The following SCOC variants were observed in gnomAD, a reference collection of about 807,000 sequenced individuals.
The protein encoded by SCOC is short coiled-coil protein.
A neutral mutation model predicts 9.9 loss-of-function variants in SCOC; 7 were observed. The observed-to-expected ratio is 0.71, with a 90% CI of 0.40 to 1.33. The LOEUF is 1.33. Ranked by LOEUF, SCOC falls within the 40% of genes most tolerant of loss-of-function variation. SCOC has a pLI of 0.01. For synonymous variants in SCOC, 19 were observed against 28.2 expected, an observed-to-expected ratio of 0.67 and a Z score of 1.03; for missense variants, 66 against 89.7, an observed-to-expected ratio of 0.74 and a Z score of 1.07.
intron 1 of SCOC, among the ~76,000 whole-genome samples, chr4:140,321,130 C>T (rs1732489885): frequency 6.6e-6 from 1 of 152,110 alleles, no homozygotes; most frequent in South Asian, 2.1e-4. Context: ...TGAGGGTAAC[C>T]ATAGCAATAA....
chr4:140,301,863 G>A (rs766468591), intron 1 of SCOC, among the ~76,000 whole-genome samples: 10 of 152,002 alleles, frequency 6.6e-5, no homozygotes, highest in East Asian at 1.9e-4. Flanking sequence ...ACAAGTTCTC[G>A]CTCTGTTGCC....
At chr4:140,272,989 C>A (rs1302946925) in intron 1 of SCOC, among the ~76,000 whole-genome samples, 1 of 152,218 alleles carries the variant, frequency 6.6e-6, no homozygotes, top group Non-Finnish European at 1.5e-5. Context: ...TAACCTTCCG[C>A]CATGTTCAGA....
At chr4:140,276,282 G>A (rs991260580) in intron 1 of SCOC, among the ~76,000 whole-genome samples, 5 of 152,080 alleles carry the variant, frequency 3.3e-5, no homozygotes, top group Non-Finnish European at 7.4e-5. Context: ...GATTACAGGC[G>A]TGAGCTACCG....
chr4:140,314,884 G>A (rs1732268351), intron 1 of SCOC, among the ~76,000 whole-genome samples: 1 of 152,146 alleles, frequency 6.6e-6, no homozygotes, highest in African/African-American at 2.4e-5. Context: ...TCTCCACAAG[G>A]TGTGGTTGTG....
chr4:140,302,034 A>G (rs1010236070), intron 1 of SCOC, among the ~76,000 whole-genome samples: 1 of 152,106 alleles, frequency 6.6e-6, no homozygotes, highest in Non-Finnish European at 1.5e-5. Context: ...GGGTTTCGCC[A>G]TGTTACCCAG....
chr4:140,290,151 G>A (rs1266656826), intron 1 of SCOC, among the ~76,000 whole-genome samples: 4 of 152,232 alleles, frequency 2.6e-5, no homozygotes, highest in Admixed American at 1.3e-4. Flanking sequence ...GGGAACTGGT[G>A]TAAGAAAATG....
intron 1 of SCOC, among the ~76,000 whole-genome samples, chr4:140,262,599 C>T (rs558243913): frequency 1.1e-4 from 16 of 152,194 alleles, no homozygotes; most frequent in South Asian, 6.2e-4. Flanking sequence ...CAGAGGAAAG[C>T]GAGGTGGGGG....
intron 1 of SCOC, among the ~76,000 whole-genome samples, chr4:140,260,797 T>C (rs1730613898): frequency 6.6e-6 from 1 of 152,228 alleles, no homozygotes. Flanking sequence ...CTGATGCAGG[T>C]GGTCTGTAAA....
intron 2 of SCOC, among the ~76,000 whole-genome samples, chr4:140,352,381 G>A (rs1364699298): frequency 6.6e-6 from 1 of 152,162 alleles, no homozygotes; most frequent in East Asian, 1.9e-4. Flanking sequence ...ATCTGTTCCT[G>A]TAAGCTAAAG....
intron 2 of SCOC, chr4:140,366,926 C>T: frequency 1.7e-6 from 1 of 578,864 alleles, no homozygotes; most frequent in Middle Eastern, 4.6e-4. Context: ...TAGTTATTGA[C>T]CAGGCGTGGT....
rs545756883 is a variant in SCOC, at chr4:140,368,379, A to G, written c.71-10742A>G. Among the ~76,000 whole-genome samples, 3 of 152,352 alleles carry G rather than the reference A, an allele frequency of 2.0e-5. No individual in the cohort carries two copies. In the South Asian group the frequency reaches 6.2e-4, roughly 32 times the overall value. ...AGAATTTCTTGTATTATTCGTATTT[A>G]TTATAATAAAATAAACATGTAATTA... On this transcript the variant is annotated intron_variant, in intron 2 of 4. Coordinates refer to the SCOC transcript ENST00000338517.
chr4:140,331,597 G>A (rs1371765257), intron 1 of SCOC, among the ~76,000 whole-genome samples: 1 of 152,142 alleles, frequency 6.6e-6, no homozygotes, highest in Non-Finnish European at 1.5e-5. Flanking sequence ...TCTAGAACAT[G>A]AGTCTTTTGC....
chr4:140,287,336 A>G (rs543822929), intron 1 of SCOC, among the ~76,000 whole-genome samples: 8 of 152,154 alleles, frequency 5.3e-5, no homozygotes, highest in African/African-American at 1.9e-4. Flanking sequence ...CACACATACT[A>G]AACACACATC....
intron 1 of SCOC, among the ~76,000 whole-genome samples, chr4:140,275,046 A>G (rs959410010): frequency 2.0e-5 from 3 of 152,166 alleles, no homozygotes; most frequent in African/African-American, 7.2e-5. Flanking sequence ...TGGTTTTTGC[A>G]CCTCAGATTC....
Position 140,379,151 on chromosome 4 carries a change from C to G in SCOC, c.-20C>G. ...TCCTCAAGAATTTTGTATCCAAGGCCCAAAAGTTTGTTACCCAAGATGATG... is the reference window on the plus strand; with the variant it reads ...TCCTCAAGAATTTTGTATCCAAGGCGCAAAAGTTTGTTACCCAAGATGATG... On this transcript the variant is annotated 5_prime_UTR_variant, in exon 2 of 4. Coordinates refer to ENST00000608372, the MANE Select transcript of SCOC (RefSeq NM_001153484.2). 6.2e-7 allele frequency: 1 copy of G among 1,609,936 alleles called. No individual in the cohort carries two copies. The highest frequency in any genetic ancestry group is 1.1e-5 in the South Asian group (1 of 90,944).
chr4:140,373,589 G>T (rs1453175036), upstream of SCOC: 1 of 1,551,728 alleles, frequency 6.4e-7, no homozygotes. Context: ...GGCTGGGACG[G>T]GATGGGATTC....
chr4:140,373,455 T>G, upstream of SCOC: 1 of 1,544,462 alleles, frequency 6.5e-7, no homozygotes. Flanking sequence ...TCAATCCTGA[T>G]TGGATGTCAG....
At chr4:140,283,191 AT>A (rs1244316297) in intron 1 of SCOC, among the ~76,000 whole-genome samples, 3 of 152,370 alleles carry the variant, frequency 2.0e-5, no homozygotes, top group Non-Finnish European at 2.9e-5. Context: ...CATGAAAAAA[AT>A]AAATGAGACC....
chr4:140,372,483 C>T (rs895619939), upstream of SCOC, among the ~76,000 whole-genome samples: 2 of 152,132 alleles, frequency 1.3e-5, no homozygotes, highest in Admixed American at 1.3e-4. Flanking sequence ...TGAATACTGC[C>T]TGCATCCATT....
Sources: gnomAD v4.1 joint callset for allele counts (sites outside exome capture counted in the v4.1 genomes callset) on GRCh38, gnomAD v4.1.1 for gene constraint, MANE v1.5 for transcripts, NCBI Gene and HGNC (gene_info 2026-07-23, HGNC 2026-07-21) for gene names.